The following RAD54L2 variants were observed in gnomAD, a reference collection of about 807,000 sequenced individuals.
RAD54L2 encodes RAD54 like 2.
In RAD54L2, 27 loss-of-function variants were observed where a neutral mutation model predicts 138.4. The ratio of observed to expected loss-of-function variants is 0.20; its 90% CI spans 0.14 to 0.27. RAD54L2 has a LOEUF of 0.27. Ranked by LOEUF, RAD54L2 falls within the 10% of genes least tolerant of loss-of-function variation. The pLI is 1.00. For missense variants in RAD54L2, 1,396 were observed against 1,890.2 expected, an observed-to-expected ratio of 0.74 and a Z score of 4.85; for synonymous variants, 644 against 723.2, an observed-to-expected ratio of 0.89 and a Z score of 1.76.
chr3:51,607,224 C>G (rs1442167388), intron 3 of RAD54L2, among the ~76,000 whole-genome samples: 2 of 151,292 alleles, frequency 1.3e-5, no homozygotes, highest in African/African-American at 4.9e-5. Flanking sequence ...GAACAAAGGT[C>G]TCTGGTTTTC....
At chr3:51,620,649 G>A (rs1478725548) in intron 3 of RAD54L2, among the ~76,000 whole-genome samples, 1 of 151,916 alleles carries the variant, frequency 6.6e-6, no homozygotes, top group African/African-American at 2.4e-5. Context: ...TATAGTGGTG[G>A]TGTTCATAAT....
At chr3:51,649,232 G>T (rs4494918) in intron 19 of RAD54L2, among the ~76,000 whole-genome samples, 5 of 151,642 alleles carry the variant, frequency 3.3e-5, no homozygotes, top group Admixed American at 1.3e-4. Context: ...AATGAAATGC[G>T]GTGAGAAAAG....
chr3:51,559,003 A>G (rs1171276897), intron 2 of RAD54L2, among the ~76,000 whole-genome samples: 2 of 152,022 alleles, frequency 1.3e-5, no homozygotes. Context: ...CCTCCCTAGT[A>G]GCTGGGATTA....
At chr3:51,643,853 T>A in intron 15 of RAD54L2, 22 bp from the exon 16 acceptor site, 1 of 1,558,626 alleles carries the variant, frequency 6.4e-7, no homozygotes, top group Non-Finnish European at 8.8e-7. Flanking sequence ...ATCCACTGCT[T>A]ATGGTTTTCC....
intron 2 of RAD54L2, among the ~76,000 whole-genome samples, chr3:51,542,958 A>C (rs1175920328): frequency 1.3e-5 from 2 of 152,134 alleles, no homozygotes; most frequent in African/African-American, 4.8e-5. Flanking sequence ...ATTGTGTTCT[A>C]TATGGCCCCT....
intron 19 of RAD54L2, among the ~76,000 whole-genome samples, chr3:51,653,663 C>T (rs906745649): frequency 6.6e-6 from 1 of 152,120 alleles, no homozygotes; most frequent in African/African-American, 2.4e-5. Context: ...CCACCATTCT[C>T]AGCAAACTAT....
chr3:51,600,439 A>G (rs1334020059), intron 3 of RAD54L2, among the ~76,000 whole-genome samples: 1 of 151,778 alleles, frequency 6.6e-6, no homozygotes, highest in Non-Finnish European at 1.5e-5. Flanking sequence ...AAATAATGAG[A>G]CTCCATCACT....
In RAD54L2 at chr3:51,575,305, T is replaced by G. The variant is rs1363110894; in HGVS notation, c.-54-15062T>G. On this transcript the variant is annotated intron_variant, in intron 2 of 22. Transcript: ENST00000684192. ...GTGATGCCTCCAGCTTTGTTCTTTTTGCTTAGGATTGTCTTGGCAATGCAG... is the reference window on the plus strand; with the variant it reads ...GTGATGCCTCCAGCTTTGTTCTTTTGGCTTAGGATTGTCTTGGCAATGCAG... 1.4e-4 allele frequency among the ~76,000 whole-genome samples: 21 copies of G among 152,328 alleles called. No individual in the cohort carries two copies. In the South Asian group the frequency reaches 1.7e-3, roughly 12 times the overall value.
chr3:51,548,905 C>T (rs984612624), intron 2 of RAD54L2, among the ~76,000 whole-genome samples: 1 of 148,938 alleles, frequency 6.7e-6, no homozygotes, highest in African/African-American at 2.5e-5. Context: ...CCGCTCACTG[C>T]AACCTCCGCT....
intron 3 of RAD54L2, among the ~76,000 whole-genome samples, chr3:51,625,503 A>C (rs1577434757): frequency 6.6e-6 from 1 of 152,090 alleles, no homozygotes; most frequent in African/African-American, 2.4e-5. Flanking sequence ...AAAATAGAAA[A>C]CCACCATTAA....
chr3:51,557,596 C>T (rs1699002383), intron 2 of RAD54L2, among the ~76,000 whole-genome samples: 1 of 151,762 alleles, frequency 6.6e-6, no homozygotes, highest in African/African-American at 2.4e-5. Context: ...CTTTGGGAGG[C>T]TGAGGTGGGT....
rs1317677512 is a variant in RAD54L2, at chr3:51,660,212, T to A, written c.3409+94T>A. ...TAACTTATTATGTGAATAGATAATA[T>A]GTACATGGTTCACAATTCAGAGTGT... On this transcript the variant is annotated intron_variant, in intron 22 of 22. Coordinates refer to ENST00000684192, the MANE Select transcript of RAD54L2 (RefSeq NM_015106.4). 4 of 894,020 alleles carry A rather than the reference T, an allele frequency of 4.5e-6. No homozygotes were observed. The African/African-American group carries it at 6.6e-5, about 15-fold the overall frequency. The allele number at this position is 894,020 out of a possible 1,614,324, so 55.4% of individuals were successfully genotyped here.
chr3:51,544,087 A>T (rs1475872065), intron 2 of RAD54L2, among the ~76,000 whole-genome samples: 1 of 152,064 alleles, frequency 6.6e-6, no homozygotes, highest in South Asian at 2.1e-4. Context: ...TGTGTTTCCC[A>T]TACCTAGTTT....
rs758161879 is a variant in RAD54L2 at position 51,662,504 on chromosome 3, G to A, written c.3488G>A (p.Gly1163Glu). ...ASSPKAPDPE[G>E]LARPVSPDSP... ...TCACCCAAAGCCCCCGACCCTGAGG[G>A]GCTGGCCAGGCCCGTCTCTCCTGAC... is the stretch of plus-strand genomic sequence containing the variant. Residue 1163 changes from glycine to glutamate, a missense_variant, in exon 23 of 23, where the codon GGG (glycine) becomes GAG (glutamate). By Grantham distance (98) the Gly-to-Glu change is moderately conservative (BLOSUM62 -2). Transcript: ENST00000684192. This position sits in a 1 kb window ranked among gnomAD's most constrained non-coding sequence, Gnocchi z 4.6. The A allele has an allele frequency of 1.1e-5, 18 of 1,610,478 alleles. No homozygotes were observed. The South Asian group carries it at 2.0e-4, about 18-fold the overall frequency.
intron 2 of RAD54L2, among the ~76,000 whole-genome samples, chr3:51,543,608 CAAAAA>C (rs1169502388): frequency 1.7e-5 from 1 of 60,468 alleles, no homozygotes. Flanking sequence ...AACTCCATCT[CAAAAA>C]AAAAAAAAAA....
At chr3:51,559,262 C>G (rs924205893) in intron 2 of RAD54L2, among the ~76,000 whole-genome samples, 6 of 152,162 alleles carry the variant, frequency 3.9e-5, no homozygotes, top group Admixed American at 1.3e-4. Context: ...CACTGATATT[C>G]TCCCCAGGTT....
chr3:51,606,664 T>A lies in RAD54L2; in HGVS notation c.139+16105T>A, dbSNP rs562922488. ...ATCACCCTATGGAAAAAGTTTATTT[T>A]TTTTTTTATGTATCTATGTATGTAT... On this transcript the variant is annotated intron_variant, in intron 3 of 22. Coordinates refer to ENST00000684192, the MANE Select transcript of RAD54L2 (RefSeq NM_015106.4). Among the ~76,000 whole-genome samples the A allele has an allele frequency of 7.2e-5, 11 of 152,278 alleles. No homozygotes were observed. The South Asian group carries it at 1.2e-3, about 17-fold the overall frequency.
At chr3:51,583,655 G>T (rs189742651) in intron 2 of RAD54L2, among the ~76,000 whole-genome samples, 1 of 148,016 alleles carries the variant, frequency 6.8e-6, no homozygotes, top group Non-Finnish European at 1.5e-5. Context: ...TTGAACTCCC[G>T]ACCTCAGGTG....
At chr3:51,616,671 T>C (rs937121267) in intron 3 of RAD54L2, among the ~76,000 whole-genome samples, 6 of 151,782 alleles carry the variant, frequency 4.0e-5, no homozygotes, top group Non-Finnish European at 7.4e-5. Flanking sequence ...CTACTAAAAA[T>C]AGAAAAATTA....
Sources: allele counts gnomAD v4.1 joint callset (sites outside exome capture counted in the v4.1 genomes callset), GRCh38; gene constraint gnomAD v4.1.1; non-coding constraint Gnocchi (gnomAD v3.1); transcripts MANE v1.5; gene names NCBI Gene and HGNC (gene_info 2026-07-23, HGNC 2026-07-21).